PCGF5: variants seen among roughly 807,000 people sequenced by gnomAD.
The protein encoded by PCGF5 is polycomb group ring finger 5, also known as polycomb group RING finger protein 5.
Under a neutral mutation model 44.3 loss-of-function variants are expected in PCGF5, and 9 were observed. The ratio of observed to expected loss-of-function variants is 0.20; its 90% CI spans 0.12 to 0.35. The LOEUF (loss-of-function observed/expected upper bound fraction) is 0.35, where lower values mean the gene tolerates loss of function less well. Ranked by LOEUF, PCGF5 falls within the 10% of genes least tolerant of loss-of-function variation. The pLI is 1.00. For missense variants in PCGF5, 146 were observed against 305.3 expected (o/e 0.48, Z 3.89); for synonymous variants, 95 against 102.5 (o/e 0.93, Z 0.44).
At chr10:91,169,015 G>A (rs1006999798) in intron 1 of PCGF5, among the ~76,000 whole-genome samples, 2 of 150,660 alleles carry the variant, frequency 1.3e-5, no homozygotes, top group Admixed American at 6.6e-5. Context: ...GCAGAGGAAA[G>A]GAATGAAGAT....
At chr10:91,198,117 C>T (rs1396136877) in intron 1 of PCGF5, among the ~76,000 whole-genome samples, 1 of 152,146 alleles carries the variant, frequency 6.6e-6, no homozygotes, top group African/African-American at 2.4e-5. Flanking sequence ...GAAAAGTAAA[C>T]CCAGAGAAGG....
chr10:91,231,402 TTG>T (rs756702528), intron 2 of PCGF5, among the ~76,000 whole-genome samples: 3 of 152,280 alleles, frequency 2.0e-5, no homozygotes, highest in Non-Finnish European at 4.4e-5. Context: ...TTAAGTAAAC[TTG>T]TGTTGAGGAT....
At chr10:91,178,107 G>C (rs950503834) in intron 1 of PCGF5, among the ~76,000 whole-genome samples, 1 of 152,146 alleles carries the variant, frequency 6.6e-6, no homozygotes, top group Non-Finnish European at 1.5e-5. Flanking sequence ...AAAAGACACA[G>C]ACAAAATGTT....
intron 1 of PCGF5, among the ~76,000 whole-genome samples, chr10:91,165,338 A>G (rs1019216290): frequency 1.3e-5 from 2 of 152,234 alleles, no homozygotes; most frequent in Non-Finnish European, 2.9e-5. Flanking sequence ...GAAAAGGTGC[A>G]GGATATTGAA....
intron 1 of PCGF5, among the ~76,000 whole-genome samples, chr10:91,185,347 T>G (rs1843901320): frequency 6.6e-6 from 1 of 152,206 alleles, no homozygotes; most frequent in East Asian, 1.9e-4. Context: ...CCCCGTGGGT[T>G]TGGACTCTCC....
chr10:91,248,946 G>T (rs977054082), intron 5 of PCGF5, among the ~76,000 whole-genome samples: 1 of 152,042 alleles, frequency 6.6e-6, no homozygotes, highest in African/African-American at 2.4e-5. Context: ...AGAGGAAATT[G>T]GACTTTGGGA....
At chr10:91,262,921 G>A (rs1845957122) in intron 7 of PCGF5, among the ~76,000 whole-genome samples, 1 of 152,118 alleles carries the variant, frequency 6.6e-6, no homozygotes, top group South Asian at 2.1e-4. Context: ...CTGATTCATT[G>A]AGTTAACATT....
At chr10:91,261,174 A>T in intron 6 of PCGF5, 152 bp from the exon 7 acceptor site, 8 of 1,001,622 alleles carry the variant, frequency 8.0e-6, no homozygotes, top group Non-Finnish European at 1.1e-5. Flanking sequence ...TTTACTCGCA[A>T]ATACTAAAAA....
intron 1 of PCGF5, among the ~76,000 whole-genome samples, chr10:91,205,793 C>G (rs7098290): frequency 6.6e-6 from 1 of 152,090 alleles, no homozygotes; most frequent in African/African-American, 2.4e-5. Context: ...AGTTTGAGAC[C>G]AGCCTGGCCA....
chr10:91,166,635 C>G (rs1274131872), intron 1 of PCGF5, among the ~76,000 whole-genome samples: 1 of 152,118 alleles, frequency 6.6e-6, no homozygotes, highest in Non-Finnish European at 1.5e-5. Flanking sequence ...GGAGTCAGGA[C>G]ATCTGATGGG....
chr10:91,233,853 C>T (rs1845078152), intron 2 of PCGF5, among the ~76,000 whole-genome samples: 1 of 152,154 alleles, frequency 6.6e-6, no homozygotes, highest in African/African-American at 2.4e-5. Context: ...TCTAAGTTGA[C>T]AGATAAAACC....
At chr10:91,168,238 G>C (rs1843533864) in intron 1 of PCGF5, among the ~76,000 whole-genome samples, 1 of 152,162 alleles carries the variant, frequency 6.6e-6, no homozygotes, top group African/African-American at 2.4e-5. Context: ...ATAGAGCCTT[G>C]TAAAAGCCAG....
chr10:91,175,411 G>A (rs1843687171), intron 1 of PCGF5, among the ~76,000 whole-genome samples: 1 of 152,060 alleles, frequency 6.6e-6, no homozygotes, highest in Admixed American at 6.6e-5. Context: ...TGGGTAAAAT[G>A]AGCAGCCTTA....
chr10:91,245,046 A>G (rs981878301), intron 3 of PCGF5, among the ~76,000 whole-genome samples: 3 of 152,176 alleles, frequency 2.0e-5, no homozygotes, highest in African/African-American at 4.8e-5. Flanking sequence ...AGATCACTTC[A>G]GGGAGTGAGT....
rs1463865310 is a variant in PCGF5, at chr10:91,282,897, A to G, written c.*4581A>G. The G allele has an allele frequency of 6.6e-6, 1 of 152,580 alleles. No individual in the cohort carries two copies. The highest frequency in any genetic ancestry group is 2.4e-5 in the African/African-American group (1 of 41,460). 9.5% of individuals were successfully genotyped at this position (152,580 alleles called of 1,614,324 possible). ...CACAAAACTTGAAATGCAATTATCA[A>G]TATTTTGTAATATATATTCCTACAG... is the stretch of plus-strand genomic sequence containing the variant. On this transcript the variant is annotated 3_prime_UTR_variant, in exon 10 of 10. Coordinates refer to ENST00000336126, the MANE Select transcript of PCGF5 (RefSeq NM_032373.5).
intron 9 of PCGF5, among the ~76,000 whole-genome samples, chr10:91,276,603 C>A (rs1846319341): frequency 1.3e-5 from 2 of 152,152 alleles, no homozygotes; most frequent in South Asian, 4.1e-4. Context: ...CAAATGGCTA[C>A]TTGGAGGAGA....
At chr10:91,246,523 C>T (rs1845463087) in intron 3 of PCGF5, among the ~76,000 whole-genome samples, 1 of 152,092 alleles carries the variant, frequency 6.6e-6, no homozygotes, top group Non-Finnish European at 1.5e-5. Context: ...GAAATTAGTC[C>T]TTGAGCAGGG....
intron 1 of PCGF5, among the ~76,000 whole-genome samples, chr10:91,196,402 C>T (rs1844135581): frequency 6.6e-6 from 1 of 152,200 alleles, no homozygotes; most frequent in African/African-American, 2.4e-5. Context: ...CATTGAAACA[C>T]CCAAGCCCCA....
At chr10:91,163,533 G>A (rs1459096258) in intron 1 of PCGF5, among the ~76,000 whole-genome samples, 3 of 152,036 alleles carry the variant, frequency 2.0e-5, no homozygotes, top group Admixed American at 6.5e-5. Context: ...GCCGAGGAGG[G>A]ACGACCTGAG....
Sources: allele counts gnomAD v4.1 joint callset (sites outside exome capture counted in the v4.1 genomes callset), GRCh38; gene constraint gnomAD v4.1.1; transcripts MANE v1.5; gene names NCBI Gene and HGNC (gene_info 2026-07-23, HGNC 2026-07-21).